The following UQCC1 variants were observed in gnomAD, a reference collection of about 807,000 sequenced individuals.
UQCC1 encodes ubiquinol-cytochrome c reductase complex assembly factor 1.
In UQCC1, 38 loss-of-function variants were observed where a neutral mutation model predicts 48.0. The observed-to-expected ratio is 0.79, with a 90% confidence interval of 0.61 to 1.04. UQCC1 has a LOEUF of 1.04. Among genes scored for constraint, UQCC1 ranks in the 50% least tolerant of loss-of-function variants. The probability of loss-of-function intolerance (pLI) is 0.00; values close to 1 mark genes in which losing one functional copy is unlikely to be tolerated. For synonymous variants in UQCC1, 111 were observed against 129.2 expected (o/e 0.86, Z 0.95); for missense variants, 368 against 381.8 (o/e 0.96, Z 0.30).
chr20:35,327,950 G>A (rs1387957722), intron 7 of UQCC1, among the ~76,000 whole-genome samples: 1 of 150,126 alleles, frequency 6.7e-6, no homozygotes, highest in East Asian at 1.9e-4. Context: ...GCAGTGAGGT[G>A]AGATTACGCC....
At chr20:35,402,623 TA>T (rs889046820) in intron 1 of UQCC1, among the ~76,000 whole-genome samples, 1 of 148,172 alleles carries the variant, frequency 6.7e-6, no homozygotes, top group African/African-American at 2.5e-5. Context: ...AAAATATATA[TA>T]TATATATAAT....
At chr20:35,320,532 A>G (rs2061112424) in intron 7 of UQCC1, among the ~76,000 whole-genome samples, 1 of 152,238 alleles carries the variant, frequency 6.6e-6, no homozygotes, top group South Asian at 2.1e-4. Context: ...GCAGAGGCAG[A>G]ACTAAGAAAT....
At position 35,303,367 on chromosome 20, in the gene UQCC1, T is replaced by C. The variant is rs1024344889; in HGVS notation, c.*568A>G. The C allele has an allele frequency of 6.5e-6, 1 of 153,532 alleles. No homozygotes were observed. Among genetic ancestry groups the C allele is most frequent in the African/African-American group, 2.4e-5 (1 of 41,446 alleles). The allele number at this position is 153,532 out of a possible 1,614,324, so 9.5% of individuals were successfully genotyped here. A position where few individuals can be genotyped will look rare whatever the true frequency, so the allele number is the denominator to read the frequency against. ...CATCCCAGCCTCTTCCCTTTCTCCG[T>C]CTCTAACTGAGCTGCGCGGTGCCCT... On this transcript the variant is annotated 3_prime_UTR_variant, in exon 10 of 10. Transcript: ENST00000374385.
intron 1 of UQCC1, among the ~76,000 whole-genome samples, chr20:35,408,508 G>T (rs564748221): frequency 3.3e-4 from 51 of 152,300 alleles, no homozygotes; most frequent in Non-Finnish European, 5.9e-5. Flanking sequence ...CACTGCTAGT[G>T]AGAATGTAAA....
At chr20:35,408,886 T>C (rs2062293364) in intron 1 of UQCC1, among the ~76,000 whole-genome samples, 1 of 150,976 alleles carries the variant, frequency 6.6e-6, no homozygotes, top group Non-Finnish European at 1.5e-5. Context: ...TTCTGACACA[T>C]GCTACAACAT....
chr20:35,344,342 A>G (rs2061410937), intron 7 of UQCC1: 1 of 152,508 alleles, frequency 6.6e-6, no homozygotes, highest in Non-Finnish European at 1.5e-5. Context: ...AGAGGCAACT[A>G]AAAGGTTCCT....
chr20:35,341,961 G>C (rs982862598), intron 7 of UQCC1, among the ~76,000 whole-genome samples: 2 of 152,078 alleles, frequency 1.3e-5, no homozygotes, highest in African/African-American at 4.8e-5. Flanking sequence ...TTGGAGAGGT[G>C]GTCTGGAGTG....
intron 1 of UQCC1, among the ~76,000 whole-genome samples, chr20:35,399,856 CAAA>C (rs200580923): frequency 5.0e-5 from 5 of 100,162 alleles, no homozygotes; most frequent in African/African-American, 3.9e-5. Context: ...AGACTCCACT[CAAA>C]AAAAAAAAAA....
intron 6 of UQCC1, among the ~76,000 whole-genome samples, chr20:35,355,817 G>A (rs2061540250): frequency 6.6e-6 from 1 of 151,228 alleles, no homozygotes; most frequent in African/African-American, 2.4e-5. Flanking sequence ...ATGTATGTGT[G>A]TATTCTTTTT....
intron 2 of UQCC1, among the ~76,000 whole-genome samples, chr20:35,387,811 T>C (rs1379625399): frequency 6.6e-6 from 1 of 152,000 alleles, no homozygotes; most frequent in Non-Finnish European, 1.5e-5. Flanking sequence ...TTTTTTTTTT[T>C]TTTAAGTTTC....
At position 35,314,711 on chromosome 20, in the gene UQCC1, C is replaced by A. The variant is rs1445243220; in HGVS notation, c.628G>T (p.Ala210Ser). The change falls in exon 8 of 10, where the codon GCA (alanine) becomes TCA (serine). Residue 210 changes from alanine to serine, a missense_variant. Physicochemically the swap from Ala to Ser is moderately conservative, Grantham distance 99. Coordinates refer to ENST00000374385, the MANE Select transcript of UQCC1 (RefSeq NM_018244.5). ...ACCTCATCATATCCCAAGATCGCTG[C>A]ATAGAAATGATTTGTCATGAGGATC... ...NMILMTNHFYAAILGYDEGIL... is the reference protein window; with the variant it reads ...NMILMTNHFYSAILGYDEGIL... The A allele has an allele frequency of 3.7e-6, 6 of 1,608,342 alleles. No individual in the cohort carries two copies. In the Admixed American group the frequency reaches 8.3e-5, roughly 22 times the overall value.
At chr20:35,384,241 C>G in intron 2 of UQCC1, 108 bp from the exon 3 acceptor site, 1 of 976,366 alleles carries the variant, frequency 1.0e-6, no homozygotes, top group Non-Finnish European at 1.5e-6. Flanking sequence ...CTTACTTAGC[C>G]CACTTCCCCG....
At chr20:35,399,338 C>T (rs1012111443) in intron 1 of UQCC1, among the ~76,000 whole-genome samples, 11 of 152,186 alleles carry the variant, frequency 7.2e-5, no homozygotes, top group African/African-American at 2.7e-4. Context: ...TTCCAAGGAC[C>T]TCTTTATTGA....
chr20:35,408,272 T>C (rs574835314), intron 1 of UQCC1, among the ~76,000 whole-genome samples: 1 of 149,736 alleles, frequency 6.7e-6, no homozygotes, highest in Non-Finnish European at 1.5e-5. Context: ...CTACTAAAAA[T>C]TTAAAAACTA....
At chr20:35,367,732 C>T (rs2072295869) in intron 5 of UQCC1, among the ~76,000 whole-genome samples, 1 of 151,968 alleles carries the variant, frequency 6.6e-6, no homozygotes. Flanking sequence ...TGTACTCACG[C>T]CTGAGTGACA....
intron 7 of UQCC1, chr20:35,346,394 A>G (rs1198840456): frequency 6.3e-6 from 1 of 158,802 alleles, no homozygotes; most frequent in African/African-American, 2.4e-5. Context: ...CTGCGGCTTC[A>G]TTCTTGAAGT....
intron 4 of UQCC1, among the ~76,000 whole-genome samples, chr20:35,375,690 C>G (rs1196001228): frequency 6.6e-6 from 1 of 152,092 alleles, no homozygotes; most frequent in African/African-American, 2.4e-5. Flanking sequence ...GTGGCTCACG[C>G]CTGTAATCCC....
intron 6 of UQCC1, among the ~76,000 whole-genome samples, chr20:35,355,134 T>C (rs1357937783): frequency 2.6e-5 from 4 of 151,910 alleles, no homozygotes; most frequent in Non-Finnish European, 5.9e-5. Context: ...GGACAGAACA[T>C]GCAAACTCCA....
In UQCC1 at chr20:35,381,937, G is replaced by A. The variant is rs2061874900; in HGVS notation, c.314C>T (p.Pro105Leu). The change falls in exon 4 of 10, where the codon CCT (proline) becomes CTT (leucine). Residue 105 changes from proline (P) to leucine (L), a missense_variant. Transcript: ENST00000374385. ...KIIEAMGFTG[P>L]LKYSKWKIKI... ...CTTTACCCATTTACTGTATTTCAAA[G>A]GTCCCGTGAATCCCATGGCTTCTAT... is the stretch of plus-strand genomic sequence containing the variant. 1 of 1,605,814 alleles carries A rather than the reference G, an allele frequency of 6.2e-7. No individual in the cohort carries two copies. Among genetic ancestry groups the A allele is most frequent in the African/African-American group, 1.3e-5 (1 of 74,606 alleles).
Sources: gnomAD v4.1 joint callset for allele counts (sites outside exome capture counted in the v4.1 genomes callset) on GRCh38, gnomAD v4.1.1 for gene constraint, MANE v1.5 for transcripts, NCBI Gene and HGNC (gene_info 2026-07-23, HGNC 2026-07-21) for gene names.